The following TECPR2 variants were observed in gnomAD, a reference collection of about 807,000 sequenced individuals.
TECPR2 encodes the protein tectonin beta-propeller repeat-containing protein 2.
Under a neutral mutation model 138.1 loss-of-function variants are expected in TECPR2, and 65 were observed. That is an observed-to-expected ratio of 0.47 (90% CI 0.39 to 0.58). TECPR2 has a LOEUF of 0.58. Ranked by LOEUF, TECPR2 falls within the 20% of genes least tolerant of loss-of-function variation. The probability of loss-of-function intolerance (pLI) is 0.00; values close to 1 mark genes in which losing one functional copy is unlikely to be tolerated. For synonymous variants in TECPR2, 746 were observed against 749.8 expected, an observed-to-expected ratio of 0.99 and a Z score of 0.08; for missense variants, 1,553 against 1,824.5, an observed-to-expected ratio of 0.85 and a Z score of 2.71.
In TECPR2 at chr14:102,443,562, G is replaced by A. The variant is rs942345809; in HGVS notation, c.2753-85G>A. Reference sequence around the variant, plus strand: ...AAGAATATAGCAAAATACCAAAAAAGGAAAAATAAGCCAATAACCAAGTCA... The same window carrying A: ...AAGAATATAGCAAAATACCAAAAAAAGAAAAATAAGCCAATAACCAAGTCA... On this transcript the variant is annotated intron_variant, in intron 11 of 19. Coordinates refer to ENST00000359520, the MANE Select transcript of TECPR2 (RefSeq NM_014844.5). The surrounding 1 kb of genome is among the most constrained non-coding windows in gnomAD (Gnocchi z 4.9). 4.5e-5 allele frequency: 58 copies of A among 1,287,602 alleles called. No homozygotes were observed. In the Admixed American group the frequency reaches 7.6e-4, roughly 17 times the overall value. The allele number at this position is 1,287,602 out of a possible 1,614,324, so 79.8% of individuals were successfully genotyped here. A position where few individuals can be genotyped will look rare whatever the true frequency, so the allele number is the denominator to read the frequency against.
At position 102,497,635 on chromosome 14, in the gene TECPR2, C is replaced by G; in HGVS notation, c.3997C>G (p.Leu1333Val). 1 of 1,609,738 alleles carries G rather than the reference C, an allele frequency of 6.2e-7. No individual in the cohort carries two copies. The highest frequency in any genetic ancestry group is 8.5e-7 in the Non-Finnish European group (1 of 1,178,672). The stretch of plus-strand genomic sequence containing the variant: ...GTGGGCCCGCTGTCCAAACGGAGAC[C>G]TCGCCCGGCGGTACGGCGTCACAGA... ...TVWARCPNGD[L>V]ARRYGVTDKN... Residue 1333 changes from leucine to valine, a missense_variant, in exon 19 of 20, where the codon CTC (leucine) becomes GTC (valine). By Grantham distance (32) the Leu-to-Val change is conservative. Coordinates refer to ENST00000359520, the MANE Select transcript of TECPR2 (RefSeq NM_014844.5).
At chr14:102,487,778 T>C (rs1245516986) in intron 17 of TECPR2, among the ~76,000 whole-genome samples, 1 of 151,658 alleles carries the variant, frequency 6.6e-6, no homozygotes, top group Non-Finnish European at 1.5e-5. Context: ...CCTGACCTCG[T>C]GATCCGCCCA....
intron 19 of TECPR2, 65 bp downstream of exon 19, chr14:102,497,784 C>T (rs909973571): frequency 2.6e-5 from 39 of 1,486,488 alleles, no homozygotes; most frequent in East Asian, 1.7e-4. Context: ...TGGACGATGT[C>T]GGGGGGCTCT....
chr14:102,476,844 C>T (rs1890776958), intron 17 of TECPR2, among the ~76,000 whole-genome samples: 1 of 151,920 alleles, frequency 6.6e-6, no homozygotes, highest in Non-Finnish European at 1.5e-5. Context: ...TGCCTGAGCC[C>T]AGGAGTTCAA....
chr14:102,458,027 C>T (rs1213894290), intron 16 of TECPR2, among the ~76,000 whole-genome samples: 4 of 152,050 alleles, frequency 2.6e-5, no homozygotes, highest in African/African-American at 9.7e-5. Context: ...GCCTGTGCCA[C>T]CCCGCCCAGC....
rs144309671 is a variant in TECPR2, at chr14:102,406,496, A to G, written c.220-842A>G. Among the ~76,000 whole-genome samples, 640 of 151,992 alleles carry G rather than the reference A, an allele frequency of 4.2e-3. 5 individuals are homozygous for G. The highest frequency in any genetic ancestry group is 0.014 in the African/African-American group (601 of 41,454). ...AGGAGGTGGAGGTTGCAGTGAGCCA[A>G]GGTGGCGCCACTGCACTCCAGCCTG... On this transcript the variant is annotated intron_variant, in intron 2 of 19. Coordinates refer to ENST00000359520, the MANE Select transcript of TECPR2 (RefSeq NM_014844.5).
chr14:102,455,940 G>A (rs1890267906), intron 16 of TECPR2, among the ~76,000 whole-genome samples: 1 of 152,142 alleles, frequency 6.6e-6, no homozygotes, highest in South Asian at 2.1e-4. Context: ...TTTGGGTAGA[G>A]ATGGGGTTTT....
chr14:102,445,985 C>T (rs151143586), intron 13 of TECPR2, 38 bp downstream of exon 13: 19 of 1,572,978 alleles, frequency 1.2e-5, no homozygotes, highest in East Asian at 6.9e-5. Flanking sequence ...CGAGGTCTCC[C>T]GACCTTTTCT....
At chr14:102,379,958 C>T (rs981614265) in intron 2 of TECPR2, among the ~76,000 whole-genome samples, 2 of 149,424 alleles carry the variant, frequency 1.3e-5, no homozygotes, top group Admixed American at 1.3e-4. Flanking sequence ...CTGAAGATCA[C>T]CATCTTAAAA....
At chr14:102,417,796 CGGGAGTCCAGGGGAGCCTGGCAT>C (rs1274436546) in intron 5 of TECPR2, among the ~76,000 whole-genome samples, 7 of 128,692 alleles carry the variant, frequency 5.4e-5, no homozygotes, top group African/African-American at 9.4e-5. Context: ...GAGGCTGGCA[CGGGAGTCCAGGGGAGCCTGGCAT>C]GGGAGTCCAG....
At position 102,463,332 on chromosome 14, in the gene TECPR2, G is replaced by A. The variant is rs1460941623; in HGVS notation, c.3641-1809G>A. ...CTTGGGAGGCTGAGGCAGGAGAATG[G>A]CGTGAACCCGGGAGGCGGAGCTTGC... On this transcript the variant is annotated intron_variant, in intron 16 of 19. Transcript: ENST00000359520. 2.7e-5 allele frequency among the ~76,000 whole-genome samples: 4 copies of A among 149,942 alleles called. No individual in the cohort carries two copies. The South Asian group carries it at 6.4e-4, about 24-fold the overall frequency.
At chr14:102,380,188 A>G (rs1262548754) in intron 2 of TECPR2, among the ~76,000 whole-genome samples, 2 of 137,268 alleles carry the variant, frequency 1.5e-5, no homozygotes, top group East Asian at 4.7e-4. Flanking sequence ...GCACAGAGGC[A>G]CCCTAGTCAC....
chr14:102,439,157 C>T (rs1399870217), intron 10 of TECPR2, among the ~76,000 whole-genome samples: 1 of 152,108 alleles, frequency 6.6e-6, no homozygotes, highest in African/African-American at 2.4e-5. Context: ...AGCCACTACG[C>T]CCGGCTTTGC....
intron 17 of TECPR2, among the ~76,000 whole-genome samples, chr14:102,472,917 C>T (rs1279954808): frequency 1.3e-5 from 2 of 152,254 alleles, no homozygotes; most frequent in African/African-American, 4.8e-5. Context: ...CTGGCACTGA[C>T]GATTGTTTGC....
intron 13 of TECPR2, among the ~76,000 whole-genome samples, chr14:102,446,896 A>C (rs1202625560): frequency 2.6e-5 from 4 of 152,194 alleles, no homozygotes; most frequent in African/African-American, 9.6e-5. Context: ...CTAGGTAATA[A>C]TGATGTTTAA....
intron 2 of TECPR2, among the ~76,000 whole-genome samples, chr14:102,391,806 C>T (rs1888184938): frequency 6.6e-6 from 1 of 152,072 alleles, no homozygotes; most frequent in Non-Finnish European, 1.5e-5. Context: ...GAGTCTTGCT[C>T]CTTTTCCTAA....
chr14:102,488,496 C>T (rs537841389), intron 17 of TECPR2, among the ~76,000 whole-genome samples: 33 of 151,996 alleles, frequency 2.2e-4, no homozygotes, highest in South Asian at 4.2e-4. Context: ...CCCCCCACCA[C>T]GTCCGGCTAA....
intron 2 of TECPR2, among the ~76,000 whole-genome samples, chr14:102,405,606 G>C (rs1022379528): frequency 1.3e-5 from 2 of 152,288 alleles, no homozygotes; most frequent in South Asian, 4.1e-4. Context: ...CTAGAAAACA[G>C]TATGGTGGTT....
rs1891379567 is a variant in TECPR2, at chr14:102,499,156, G to GTT, written c.*900_*901insTT. 1 of 702,956 alleles carries GTT rather than the reference G, an allele frequency of 1.4e-6. No individual in the cohort carries two copies. The highest frequency in any genetic ancestry group is 2.0e-5 in the Admixed American group (1 of 50,000). 43.5% of individuals were successfully genotyped at this position (702,956 alleles called of 1,614,324 possible). ...GCAAATGGAACCTGGATGTGTGCAC[G>GTT]TGTGTCCCAGGTAGGGACGGCACAG... On this transcript the variant is annotated 3_prime_UTR_variant, in exon 20 of 20. Transcript: ENST00000359520.
Sources: allele counts gnomAD v4.1 joint callset (sites outside exome capture counted in the v4.1 genomes callset), GRCh38; gene constraint gnomAD v4.1.1; non-coding constraint Gnocchi (gnomAD v3.1); transcripts MANE v1.5; gene names NCBI Gene and HGNC (gene_info 2026-07-23, HGNC 2026-07-21).